ATRNL1: variants seen among roughly 807,000 people sequenced by gnomAD.
ATRNL1 encodes attractin like 1.
A neutral mutation model predicts 182.7 loss-of-function variants in ATRNL1; 95 were observed. The observed-to-expected ratio is 0.52, with a 90% CI of 0.44 to 0.62. ATRNL1 has a LOEUF of 0.62. ATRNL1 is among the 20% of genes least tolerant of loss of function. The pLI is 0.00. For missense variants in ATRNL1, 1,471 were observed against 1,679.5 expected (o/e 0.88, Z 2.17); for synonymous variants, 576 against 568.3 (o/e 1.01, Z -0.19).
chr10:115,202,588 G>A (rs1192638361), intron 8 of ATRNL1, among the ~76,000 whole-genome samples: 1 of 150,068 alleles, frequency 6.7e-6, no homozygotes. Flanking sequence ...AAGCCCACTT[G>A]ATCATGGTGG....
intron 28 of ATRNL1, among the ~76,000 whole-genome samples, chr10:115,914,191 T>G (rs1049131490): frequency 6.6e-5 from 10 of 152,212 alleles, no homozygotes; most frequent in Non-Finnish European, 1.3e-4. Flanking sequence ...GATTGTAAGT[T>G]TCTTGAAGCC....
chr10:115,668,382 A>G (rs1243769234), intron 26 of ATRNL1, among the ~76,000 whole-genome samples: 2 of 152,118 alleles, frequency 1.3e-5, no homozygotes, highest in Non-Finnish European at 2.9e-5. Context: ...TATACCTGAA[A>G]TTGTTCACAA....
intron 8 of ATRNL1, among the ~76,000 whole-genome samples, chr10:115,194,576 G>A (rs1848288310): frequency 6.6e-6 from 1 of 151,348 alleles, no homozygotes; most frequent in Admixed American, 6.6e-5. Flanking sequence ...CTTTATTTTA[G>A]GTCTGTGTGT....
chr10:115,535,651 G>A (rs999775987), intron 25 of ATRNL1, among the ~76,000 whole-genome samples: 2 of 152,138 alleles, frequency 1.3e-5, no homozygotes, highest in Non-Finnish European at 2.9e-5. Context: ...TTGCTGGTGA[G>A]GAACTGCGTT....
chr10:115,346,792 G>A (rs1855996854), intron 19 of ATRNL1, among the ~76,000 whole-genome samples: 1 of 152,006 alleles, frequency 6.6e-6, no homozygotes, highest in African/African-American at 2.4e-5. Context: ...GCTCGCATGA[G>A]ATATATGATT....
chr10:115,320,007 G>C (rs1218603519), intron 18 of ATRNL1, among the ~76,000 whole-genome samples: 1 of 151,792 alleles, frequency 6.6e-6, no homozygotes. Flanking sequence ...TTATATCTCG[G>C]TGTGTTTTTG....
At position 115,442,270 on chromosome 10, in the gene ATRNL1, G is replaced by GCTCTCTCTCTCTCTCTCTCTCT. The variant is rs71895625; in HGVS notation, c.3322+15981_3322+16002dup. The stretch of plus-strand genomic sequence containing the variant: ...CGCAGCTTCATTTTCATTTGTGTTT[G>GCTCTCTCTCTCTCTCTCTCTCT]CTCTCTCTCTCTCTCTCTCTCTCTC... On this transcript the variant is annotated intron_variant, in intron 21 of 28. Transcript: ENST00000355044. 1.8e-3 allele frequency among the ~76,000 whole-genome samples: 178 copies of GCTCTCTCTCTCTCTCTCTCTCT among 100,282 alleles called. 1 individual carries two copies. The highest frequency in any genetic ancestry group is 6.7e-3 in the African/African-American group (152 of 22,528). The allele number at this position is 100,282 out of a possible 152,430, so 65.8% of individuals were successfully genotyped here. A position where few individuals can be genotyped will look rare whatever the true frequency, so the allele number is the denominator to read the frequency against.
chr10:115,228,551 T>G (rs1359169286), intron 9 of ATRNL1, among the ~76,000 whole-genome samples: 1 of 152,158 alleles, frequency 6.6e-6, no homozygotes, highest in Non-Finnish European at 1.5e-5. Context: ...TTTTCTCTGA[T>G]AGTGGAGACC....
chr10:115,293,179 A>C (rs1334320870), intron 15 of ATRNL1, among the ~76,000 whole-genome samples: 1 of 151,786 alleles, frequency 6.6e-6, no homozygotes, highest in African/African-American at 2.4e-5. Context: ...ACTCCTGTTC[A>C]CTTTTGCTTT....
intron 8 of ATRNL1, among the ~76,000 whole-genome samples, chr10:115,183,230 C>T (rs764671731): frequency 3.3e-5 from 5 of 151,184 alleles, no homozygotes; most frequent in Admixed American, 2.6e-4. Context: ...GAGCAGTTAT[C>T]AGAAGTATAT....
At chr10:115,361,031 G>GGT (rs1856722256) in intron 19 of ATRNL1, among the ~76,000 whole-genome samples, 2 of 151,774 alleles carry the variant, frequency 1.3e-5, no homozygotes, top group African/African-American at 4.8e-5. Flanking sequence ...TGGTTACAGT[G>GGT]GTGTCTGCCA....
At chr10:115,754,287 A>G (rs541358085) in intron 27 of ATRNL1, among the ~76,000 whole-genome samples, 1 of 152,206 alleles carries the variant, frequency 6.6e-6, no homozygotes, top group Non-Finnish European at 1.5e-5. Context: ...GTTTTCTTCT[A>G]TGGTTTTTGT....
intron 9 of ATRNL1, among the ~76,000 whole-genome samples, chr10:115,237,364 G>C (rs1850230905): frequency 6.6e-6 from 1 of 152,192 alleles, no homozygotes; most frequent in Non-Finnish European, 1.5e-5. Flanking sequence ...AGCGATGAAT[G>C]AGAGTTCCTG....
intron 27 of ATRNL1, among the ~76,000 whole-genome samples, chr10:115,812,178 G>C (rs922996428): frequency 2.6e-5 from 4 of 151,852 alleles, no homozygotes; most frequent in Non-Finnish European, 5.9e-5. Flanking sequence ...TTTAAAAATA[G>C]GTTTCGTATG....
chr10:115,759,553 G>A (rs1220057985), intron 27 of ATRNL1, among the ~76,000 whole-genome samples: 2 of 141,728 alleles, frequency 1.4e-5, no homozygotes, highest in African/African-American at 2.6e-5. Flanking sequence ...AGTGAGATGT[G>A]TTAAACTACA....
chr10:115,370,489 A>T (rs1039133039), intron 19 of ATRNL1, among the ~76,000 whole-genome samples: 6 of 152,158 alleles, frequency 3.9e-5, no homozygotes. Context: ...GGAGATGAGG[A>T]ACTTGTTGGG....
At chr10:115,351,999 A>C (rs1271205124) in intron 19 of ATRNL1, among the ~76,000 whole-genome samples, 1 of 151,906 alleles carries the variant, frequency 6.6e-6, no homozygotes, top group Admixed American at 6.6e-5. Context: ...ATAACTTGCT[A>C]TTGGTCTGTT....
At chr10:115,575,022 A>G (rs1854623619) in intron 26 of ATRNL1, among the ~76,000 whole-genome samples, 1 of 152,184 alleles carries the variant, frequency 6.6e-6, no homozygotes, top group Non-Finnish European at 1.5e-5. Flanking sequence ...GATATTTTAA[A>G]ATAGAATCTT....
chr10:115,899,830 G>T (rs1358554474), intron 28 of ATRNL1, among the ~76,000 whole-genome samples: 6 of 152,096 alleles, frequency 3.9e-5, no homozygotes, highest in Non-Finnish European at 2.9e-5. Flanking sequence ...CTACATGACT[G>T]ATGGTTAAAA....
Sources: allele counts gnomAD v4.1 joint callset (sites outside exome capture counted in the v4.1 genomes callset), GRCh38; gene constraint gnomAD v4.1.1; transcripts MANE v1.5; gene names NCBI Gene and HGNC (gene_info 2026-07-23, HGNC 2026-07-21).